The following COL14A1 variants were observed in gnomAD, a reference collection of about 807,000 sequenced individuals.
The protein encoded by COL14A1 is collagen alpha-1(XIV) chain.
Under a neutral mutation model 230.3 loss-of-function variants are expected in COL14A1, and 136 were observed. The observed-to-expected ratio is 0.59, with a 90% CI of 0.51 to 0.68. The LOEUF (loss-of-function observed/expected upper bound fraction) is 0.68. Ranked by LOEUF, COL14A1 falls within the 30% of genes least tolerant of loss-of-function variation. The pLI is 0.00. For synonymous variants in COL14A1, 792 were observed against 784.1 expected (o/e 1.01, Z -0.17); for missense variants, 1,976 against 2,215.8 (o/e 0.89, Z 2.17).
At chr8:120,152,469 C>CAAA (rs397891260) in intron 2 of COL14A1, among the ~76,000 whole-genome samples, 142 of 59,538 alleles carry the variant, frequency 2.4e-3, no homozygotes, top group African/African-American at 3.4e-3. Context: ...GATTCCATCT[C>CAAA]AAAAAAAAAA....
rs573137578 is a variant in COL14A1, at chr8:120,323,573, C to T, written c.4659+7576C>T. Among the ~76,000 whole-genome samples, 10 of 152,070 alleles carry T rather than the reference C, an allele frequency of 6.6e-5. No individual in the cohort carries two copies. In the South Asian group the frequency reaches 1.0e-3, roughly 16 times the overall value. On this transcript the variant is annotated intron_variant, in intron 40 of 47. Coordinates refer to ENST00000297848, the MANE Select transcript of COL14A1 (RefSeq NM_021110.4). ...GGGTTTTATATTTAAATTTTTAATC[C>T]ATCTTGAGTTAATATTTGTATATGG...
At chr8:120,194,222 T>C (rs924561408) in intron 5 of COL14A1, among the ~76,000 whole-genome samples, 1 of 152,196 alleles carries the variant, frequency 6.6e-6, no homozygotes, top group Non-Finnish European at 1.5e-5. Context: ...TAATTTCAAG[T>C]GAAATATGCC....
chr8:120,203,619 TTGAC>T (rs1238210141), intron 8 of COL14A1, 86 bp from the exon 9 acceptor site: 3 of 1,195,922 alleles, frequency 2.5e-6, no homozygotes, highest in African/African-American at 1.5e-5. Flanking sequence ...GCAGTGAAGA[TTGAC>T]TGACTGGGTC....
intron 45 of COL14A1, among the ~76,000 whole-genome samples, chr8:120,354,746 GT>G (rs1822917204): frequency 2.0e-5 from 3 of 152,126 alleles, no homozygotes; most frequent in Admixed American, 2.0e-4. Flanking sequence ...AGTGGCTAAT[GT>G]TGTTCAAGTT....
At chr8:120,370,403 G>A in intron 47 of COL14A1, 2 of 1,608,680 alleles carry the variant, frequency 1.2e-6, no homozygotes, top group Non-Finnish European at 1.7e-6. Flanking sequence ...ATTGGCCCCA[G>A]ACATTTAGCT....
At chr8:120,263,424 T>A (rs929926165) in intron 24 of COL14A1, among the ~76,000 whole-genome samples, 1 of 152,322 alleles carries the variant, frequency 6.6e-6, no homozygotes, top group Non-Finnish European at 1.5e-5. Context: ...ATGTTCCAAC[T>A]GGATGACCCT....
At chr8:120,144,663 C>T (rs571422408) in intron 1 of COL14A1, among the ~76,000 whole-genome samples, 1 of 152,136 alleles carries the variant, frequency 6.6e-6, no homozygotes, top group Non-Finnish European at 1.5e-5. Context: ...AGAAAAAACA[C>T]GTCGATTGCA....
At chr8:120,203,677 G>A (rs1817330884) in intron 8 of COL14A1, 32 bp from the exon 9 acceptor site, 1 of 1,609,832 alleles carries the variant, frequency 6.2e-7, no homozygotes, top group Non-Finnish European at 8.5e-7. Flanking sequence ...GGGCATAAAA[G>A]TCACCATTCT....
At chr8:120,305,952 A>G (rs1017017988) in intron 36 of COL14A1, among the ~76,000 whole-genome samples, 18 of 152,132 alleles carry the variant, frequency 1.2e-4, no homozygotes, top group Non-Finnish European at 2.4e-4. Flanking sequence ...AACTTAGATC[A>G]TCTTCTTAAT....
At chr8:120,197,724 C>G (rs760560688) in intron 6 of COL14A1, 87 bp from the exon 7 acceptor site, 1 of 1,439,064 alleles carries the variant, frequency 6.9e-7, no homozygotes, top group Non-Finnish European at 9.4e-7. Flanking sequence ...AAAGATGAGG[C>G]CTTTCGTCAT....
intron 14 of COL14A1, among the ~76,000 whole-genome samples, chr8:120,222,857 C>G (rs1817972998): frequency 6.6e-6 from 1 of 152,092 alleles, no homozygotes; most frequent in Non-Finnish European, 1.5e-5. Context: ...AGGAGATAGA[C>G]AATAAACATG....
At chr8:120,368,622 AAC>A (rs959659534) in intron 46 of COL14A1, among the ~76,000 whole-genome samples, 7 of 151,670 alleles carry the variant, frequency 4.6e-5, no homozygotes, top group Admixed American at 3.9e-4. Context: ...AAAAAAAAAA[AAC>A]ATGCTGACAA....
At chr8:120,350,862 G>A (rs1822731558) in intron 45 of COL14A1, among the ~76,000 whole-genome samples, 1 of 151,668 alleles carries the variant, frequency 6.6e-6, no homozygotes, top group African/African-American at 2.4e-5. Context: ...CCCAGGAATT[G>A]AACTCAGCTC....
chr8:120,309,775 C>A (rs368483145), intron 36 of COL14A1, among the ~76,000 whole-genome samples: 4 of 151,942 alleles, frequency 2.6e-5, no homozygotes, highest in African/African-American at 9.7e-5. Flanking sequence ...TACCATTTTT[C>A]AATATTTAAA....
chr8:120,267,222 C>A (rs1819524815), intron 25 of COL14A1, among the ~76,000 whole-genome samples: 1 of 151,890 alleles, frequency 6.6e-6, no homozygotes, highest in South Asian at 2.1e-4. Flanking sequence ...CCCAGCCTAC[C>A]TCTGAAGTGT....
intron 19 of COL14A1, among the ~76,000 whole-genome samples, chr8:120,241,054 C>T (rs1818592755): frequency 6.6e-6 from 1 of 152,176 alleles, no homozygotes; most frequent in Non-Finnish European, 1.5e-5. Flanking sequence ...GTAGCTCTAA[C>T]ATGAATTCTG....
intron 3 of COL14A1, among the ~76,000 whole-genome samples, chr8:120,161,817 C>G (rs547714741): frequency 6.6e-6 from 1 of 152,240 alleles, no homozygotes; most frequent in South Asian, 2.1e-4. Flanking sequence ...ACAAACACCA[C>G]CACGGCTGGT....
intron 5 of COL14A1, among the ~76,000 whole-genome samples, chr8:120,173,075 C>G (rs1411379206): frequency 1.3e-5 from 2 of 152,144 alleles, no homozygotes; most frequent in East Asian, 3.9e-4. Context: ...TGATGTTTCT[C>G]AAATGGTAAT....
chr8:120,345,774 T>C (rs1822489056), intron 45 of COL14A1, among the ~76,000 whole-genome samples: 1 of 152,206 alleles, frequency 6.6e-6, no homozygotes, highest in Admixed American at 6.5e-5. Context: ...TATCTACTTA[T>C]ATGAAAGAGG....
Sources: gnomAD v4.1 joint callset for allele counts (sites outside exome capture counted in the v4.1 genomes callset) on GRCh38, gnomAD v4.1.1 for gene constraint, MANE v1.5 for transcripts, NCBI Gene and HGNC (gene_info 2026-07-23, HGNC 2026-07-21) for gene names.